The following TNRC6C variants were observed in gnomAD, a reference collection of about 807,000 sequenced individuals.
The protein encoded by TNRC6C is trinucleotide repeat containing adaptor 6C.
A neutral mutation model predicts 153.7 loss-of-function variants in TNRC6C; 20 were observed. The ratio of observed to expected loss-of-function variants is 0.13; its 90% CI spans 0.09 to 0.19. The LOEUF is 0.19. Among genes scored for constraint, TNRC6C ranks in the 10% least tolerant of loss-of-function variants. The pLI is 1.00. For synonymous variants in TNRC6C, 811 were observed against 841.4 expected, an observed-to-expected ratio of 0.96 and a Z score of 0.63; for missense variants, 1,987 against 2,172.0, an observed-to-expected ratio of 0.91 and a Z score of 1.69.
chr17:78,090,141 C>T (rs2073368521), intron 13 of TNRC6C, among the ~76,000 whole-genome samples: 1 of 152,184 alleles, frequency 6.6e-6, no homozygotes, highest in Non-Finnish European at 1.5e-5. Flanking sequence ...TGTGTGTGTG[C>T]ATGTGCATAG....
chr17:78,033,459 C>T (rs780607365), intron 2 of TNRC6C, among the ~76,000 whole-genome samples: 1 of 152,212 alleles, frequency 6.6e-6, no homozygotes, highest in East Asian at 1.9e-4. Flanking sequence ...CACCTGAGGT[C>T]GAGAGTTCGA....
At chr17:78,090,506 C>G (rs758613764) in intron 13 of TNRC6C, among the ~76,000 whole-genome samples, 2 of 152,204 alleles carry the variant, frequency 1.3e-5, no homozygotes, top group African/African-American at 2.4e-5. Context: ...GTAAGGGGAA[C>G]TGCAGCTGGA....
At chr17:77,960,745 A>C (rs117311112) in intron 1 of TNRC6C, among the ~76,000 whole-genome samples, 1 of 152,184 alleles carries the variant, frequency 6.6e-6, no homozygotes, top group African/African-American at 2.4e-5. Flanking sequence ...GTCTTTGAGC[A>C]TGTTTCACTG....
intron 3 of TNRC6C, among the ~76,000 whole-genome samples, chr17:78,052,877 C>T (rs574844191): frequency 8.6e-4 from 131 of 152,244 alleles, no homozygotes; most frequent in African/African-American, 2.8e-3. Context: ...ATCAGTGGTC[C>T]GTGGGCTGCA....
rs184942946 is a variant in TNRC6C at position 78,067,943 on chromosome 17, C to T, written c.2778+20C>T. On this transcript the variant is annotated intron_variant, in intron 5 of 19. Transcript: ENST00000301624. ...CAAAAGGTAAGTACAACACTCTTAA[C>T]GACGGTACACCCTGAAAACCAAAGG... 208 of 1,587,364 alleles carry T rather than the reference C, an allele frequency of 1.3e-4. 1 individual carries two copies. In the East Asian group the frequency reaches 3.6e-3, roughly 28 times the overall value.
At chr17:78,006,491 CTTTCTTCTTCTT>C (rs1273634441) in intron 1 of TNRC6C, among the ~76,000 whole-genome samples, 1 of 134,714 alleles carries the variant, frequency 7.4e-6, no homozygotes, top group African/African-American at 2.8e-5. Flanking sequence ...TCTTCTTCTT[CTTTCTTCTTCTT>C]CTTCTTCTTC....
In TNRC6C at chr17:77,993,531, C is replaced by T. The variant is rs78767741; in HGVS notation, c.-37-10639C>T. The stretch of plus-strand genomic sequence containing the variant: ...ATACAAAGTATGGGACTATGCAGCT[C>T]ACAGTCTCAAATGTGATCTCAGTTT... On this transcript the variant is annotated intron_variant, in intron 1 of 22. Coordinates refer to the TNRC6C transcript ENST00000636222. 8.1e-3 allele frequency among the ~76,000 whole-genome samples: 1,227 copies of T among 152,278 alleles called. 17 individuals are homozygous for T. Among genetic ancestry groups the T allele is most frequent in the African/African-American group, 0.028 (1,164 of 41,538 alleles).
chr17:78,029,703 T>C (rs1038640310), intron 1 of TNRC6C, among the ~76,000 whole-genome samples: 1 of 152,226 alleles, frequency 6.6e-6, no homozygotes, highest in Non-Finnish European at 1.5e-5. Flanking sequence ...AAAAGACACA[T>C]TGCACAGCTG....
intron 9 of TNRC6C, 174 bp downstream of exon 11, chr17:78,077,508 A>G: frequency 1.3e-6 from 1 of 784,180 alleles, no homozygotes; most frequent in Non-Finnish European, 2.0e-6. Flanking sequence ...TGGAGTCAAG[A>G]GTTGAAGTAG....
At chr17:77,977,792 C>T (rs2071021407) in intron 1 of TNRC6C, among the ~76,000 whole-genome samples, 1 of 151,114 alleles carries the variant, frequency 6.6e-6, no homozygotes, top group South Asian at 2.1e-4. Context: ...AGGCAAATAT[C>T]TAACTTTAGA....
chr17:78,088,755 C>T (rs776000049), intron 13 of TNRC6C, among the ~76,000 whole-genome samples: 14 of 151,790 alleles, frequency 9.2e-5, no homozygotes, highest in Non-Finnish European at 1.5e-4. Flanking sequence ...CATGAGCCAT[C>T]ACACCTGGCC....
Position 78,049,451 on chromosome 17 carries a change from T to A in TNRC6C, c.389T>A (p.Val130Asp). ...AACCCTTCCAGTATTTGCAGTCCAG[T>A]CAGTGCCATAGGTCAAAATATGGGC... The change falls in exon 3 of 20, where the codon GTC (valine) becomes GAC (aspartate). Residue 130 changes from valine to aspartate, a missense_variant. Val to Asp is a radical substitution (Grantham distance 152, BLOSUM62 -3). Coordinates refer to ENST00000301624, the Ensembl canonical transcript of TNRC6C. This position sits in a 1 kb window ranked among gnomAD's most constrained non-coding sequence, Gnocchi z 4.1. The A allele has an allele frequency of 6.2e-7, 1 of 1,613,990 alleles. No homozygotes were observed. The highest frequency in any genetic ancestry group is 8.5e-7 in the Non-Finnish European group (1 of 1,179,878).
At position 78,071,081 on chromosome 17, in the gene TNRC6C, C is replaced by A. The variant is rs774657335; in HGVS notation, c.2779-4C>A. 1 of 1,598,754 alleles carries A rather than the reference C, an allele frequency of 6.3e-7. No homozygotes were observed. Among genetic ancestry groups the A allele is most frequent in the Admixed American group, 1.7e-5 (1 of 57,724 alleles). On this transcript the variant is annotated splice_polypyrimidine_tract_variant and splice_region_variant and intron_variant, in intron 5 of 19. Coordinates refer to ENST00000301624, the Ensembl canonical transcript of TNRC6C. ...ACTTCCCCCTTTCCCACACTTTGTTCAAGGGCATGAAGACGTCTGGCAAGC... is the reference window on the plus strand; with the variant it reads ...ACTTCCCCCTTTCCCACACTTTGTTAAAGGGCATGAAGACGTCTGGCAAGC...
chr17:77,978,675 A>G (rs1488685103), intron 1 of TNRC6C, among the ~76,000 whole-genome samples: 1 of 152,156 alleles, frequency 6.6e-6, no homozygotes, highest in African/African-American at 2.4e-5. Flanking sequence ...CAGAGTTTTC[A>G]ATAGATGTCA....
chr17:77,986,309 G>A (rs2071166608), intron 1 of TNRC6C, among the ~76,000 whole-genome samples: 1 of 152,016 alleles, frequency 6.6e-6, no homozygotes, highest in South Asian at 2.1e-4. Context: ...CAGCCATTTG[G>A]GAGGCTGAGG....
chr17:78,074,070 A>G (rs1464505176), intron 7 of TNRC6C, among the ~76,000 whole-genome samples: 3 of 152,222 alleles, frequency 2.0e-5, no homozygotes, highest in African/African-American at 4.8e-5. Flanking sequence ...TCGTGCCTAC[A>G]TGAAGCTTAC....
At chr17:78,031,540 C>A in exon 2 of TNRC6C, 1 of 1,232,210 alleles carries the variant, frequency 8.1e-7, no homozygotes, top group South Asian at 4.1e-5. Context: ...AAGACCTGTT[C>A]AAGCCAGCCC....
chr17:78,063,158 A>G (rs564753270), intron 3 of TNRC6C, among the ~76,000 whole-genome samples: 1 of 151,322 alleles, frequency 6.6e-6, no homozygotes, highest in East Asian at 1.9e-4. Context: ...AGGCATGAGA[A>G]CCCCTTAACC....
intron 1 of TNRC6C, among the ~76,000 whole-genome samples, chr17:78,026,430 C>A (rs1435046339): frequency 6.6e-6 from 1 of 152,104 alleles, no homozygotes; most frequent in Non-Finnish European, 1.5e-5. Context: ...TTGCATTATG[C>A]ACTATTTTAT....
Sources: allele counts gnomAD v4.1 joint callset (sites outside exome capture counted in the v4.1 genomes callset), GRCh38; gene constraint gnomAD v4.1.1; non-coding constraint Gnocchi (gnomAD v3.1); transcripts MANE v1.5; gene names NCBI Gene and HGNC (gene_info 2026-07-23, HGNC 2026-07-21).